The following MOV10 variants were observed in gnomAD, a reference collection of about 807,000 sequenced individuals.
The protein encoded by MOV10 is RNA helicase MOV-10.
A neutral mutation model predicts 108.4 loss-of-function variants in MOV10; 39 were observed. The ratio of observed to expected loss-of-function variants is 0.36; its 90% CI spans 0.28 to 0.47. The LOEUF is 0.47. Ranked by LOEUF, MOV10 falls within the 20% of genes least tolerant of loss-of-function variation. The pLI is 1.00. For synonymous variants in MOV10, 490 were observed against 523.1 expected (o/e 0.94, Z 0.86); for missense variants, 952 against 1,297.6 (o/e 0.73, Z 4.09).
intron 17 of MOV10, 110 bp from the exon 18 acceptor site, chr1:112,699,575 A>T: frequency 6.5e-7 from 1 of 1,541,194 alleles, no homozygotes; most frequent in Non-Finnish European, 8.7e-7. Context: ...TCACTGATCT[A>T]CAATTGCCCA....
At chr1:112,676,236 G>A (rs555792082) in intron 2 of MOV10, among the ~76,000 whole-genome samples, 34 of 152,286 alleles carry the variant, frequency 2.2e-4, no homozygotes, top group African/African-American at 7.9e-4. Context: ...CAGAGGCTAT[G>A]ATATGCATGC....
At chr1:112,684,716 C>T (rs1320939889) in intron 2 of MOV10, among the ~76,000 whole-genome samples, 1 of 152,208 alleles carries the variant, frequency 6.6e-6, no homozygotes, top group Non-Finnish European at 1.5e-5. Flanking sequence ...TATGCTAGAA[C>T]TATGTTCATT....
intron 2 of MOV10, among the ~76,000 whole-genome samples, chr1:112,680,525 G>A (rs1174631135): frequency 6.6e-6 from 1 of 150,832 alleles, no homozygotes; most frequent in African/African-American, 2.4e-5. Context: ...GCGTGGTGGC[G>A]GGCGCCTGTA....
At position 112,692,793 on chromosome 1, in the gene MOV10, A is replaced by C. The variant is rs1238283513; in HGVS notation, c.1004A>C (p.Asn335Thr). The C allele has an allele frequency of 6.2e-7, 1 of 1,613,932 alleles. No individual in the cohort carries two copies. The highest frequency in any genetic ancestry group is 8.5e-7 in the Non-Finnish European group (1 of 1,180,010). ...AQLETALKWR[N>T]YEVKLRLLLH... Reference sequence around the variant, plus strand: ...CTGGAGACAGCCCTGAAGTGGAGGAACTATGAGGTGAAGCTGCGGCTGCTG... The same window carrying C: ...CTGGAGACAGCCCTGAAGTGGAGGACCTATGAGGTGAAGCTGCGGCTGCTG... Residue 335 changes from asparagine to threonine, a missense_variant, in exon 7 of 21, where the codon AAC (asparagine) becomes ACC (threonine). Physicochemically the swap from Asn to Thr is moderately conservative, Grantham distance 65. This residue lies in a region of MOV10 where 374 missense variants were observed against 468.6 expected (regional missense o/e 0.80). Transcript: ENST00000369645.
chr1:112,685,763 T>A (rs1178794543), intron 2 of MOV10, among the ~76,000 whole-genome samples: 2 of 151,940 alleles, frequency 1.3e-5, no homozygotes, highest in Non-Finnish European at 2.9e-5. Context: ...ATATAATAAG[T>A]TTGTGATTTT....
chr1:112,682,062 A>G (rs1231248738), intron 2 of MOV10, among the ~76,000 whole-genome samples: 1 of 151,960 alleles, frequency 6.6e-6, no homozygotes, highest in East Asian at 1.9e-4. Context: ...TGCCCAGCTA[A>G]TTTTTTGTAT....
Position 112,693,687 on chromosome 1 carries a change from T to TAA in MOV10, c.1141-330_1141-329dup, listed in dbSNP as rs57738248. 31 of 137,954 alleles carry TAA rather than the reference T, an allele frequency of 2.2e-4. No homozygotes were observed. In the South Asian group the frequency reaches 5.2e-3, roughly 23 times the overall value. The allele number at this position is 137,954 out of a possible 1,614,324, so 8.5% of individuals were successfully genotyped here. A position where few individuals can be genotyped will look rare whatever the true frequency, so the allele number is the denominator to read the frequency against. ...GTCCGTTTTTTTTTTTTTTTTTTTT[T>TAA]AATTATTTTTTTAGCAACCCGATTA... On this transcript the variant is annotated intron_variant, in intron 7 of 20. Coordinates refer to ENST00000369645, the MANE Select transcript of MOV10 (RefSeq NM_001321324.2).
At position 112,698,453 on chromosome 1, in the gene MOV10, G is replaced by A. The variant is rs1454939512; in HGVS notation, c.2483G>A (p.Gly828Asp). ...GKARLSPRSV[G>D]VISPYRKQVE... ...GCTCGCCTGAGCCCTCGAAGTGTGG[G>A]CGTCATCTCCCCGTACCGGAAACAG... The change falls in exon 16 of 21, where the codon GGC (glycine) becomes GAC (aspartate). Residue 828 changes from glycine to aspartate, a missense_variant. Physicochemically the swap from Gly to Asp is moderately conservative, Grantham distance 94. Around this residue, in one of 5 missense-constraint regions of MOV10, gnomAD observed 453 missense variants for 611.5 expected, o/e 0.74. Transcript: ENST00000369645. The A allele has an allele frequency of 1.9e-6, 3 of 1,613,928 alleles. No homozygotes were observed. Among genetic ancestry groups the A allele is most frequent in the Non-Finnish European group, 2.5e-6 (3 of 1,180,010 alleles).
chr1:112,690,926 T>A (rs1673523498), intron 5 of MOV10, among the ~76,000 whole-genome samples: 1 of 152,220 alleles, frequency 6.6e-6, no homozygotes, highest in Non-Finnish European at 1.5e-5. Context: ...GATGGAAGCG[T>A]AGGATATGTG....
At chr1:112,687,099 G>C in intron 2 of MOV10, 1 of 450,974 alleles carries the variant, frequency 2.2e-6, no homozygotes, top group East Asian at 7.0e-5. Flanking sequence ...CTCTGACGTG[G>C]GCTGAAAGTA....
intron 6 of MOV10, 131 bp from the exon 7 acceptor site, chr1:112,692,630 T>G (rs139654538): frequency 7.9e-7 from 1 of 1,269,386 alleles, no homozygotes; most frequent in Non-Finnish European, 1.1e-6. Flanking sequence ...TCTGTATCCC[T>G]CTAGTCTTCT....
At chr1:112,676,016 G>T (rs1201253254) in intron 2 of MOV10, among the ~76,000 whole-genome samples, 1 of 143,860 alleles carries the variant, frequency 7.0e-6, no homozygotes, top group Non-Finnish European at 1.6e-5. Context: ...GTGTGATTTG[G>T]GGTGGGGGAA....
chr1:112,697,924 T>C (rs1212790398), intron 14 of MOV10, 70 bp from the exon 15 acceptor site: 11 of 1,296,282 alleles, frequency 8.5e-6, no homozygotes, highest in Non-Finnish European at 1.1e-5. Flanking sequence ...CCAGAGTGGG[T>C]AGAGCGGAGC....
intron 14 of MOV10, 21 bp downstream of exon 14, chr1:112,696,867 C>T (rs1674146333): frequency 6.4e-7 from 1 of 1,554,730 alleles, no homozygotes; most frequent in Non-Finnish European, 8.7e-7. Context: ...GCCCTTGCCT[C>T]CCCTGCCATA....
intron 2 of MOV10, among the ~76,000 whole-genome samples, chr1:112,686,363 C>A (rs1673081902): frequency 6.6e-6 from 1 of 152,158 alleles, no homozygotes; most frequent in South Asian, 2.1e-4. Flanking sequence ...CTGATGATCT[C>A]CTGATTTCAG....
chr1:112,694,805 T>C lies in MOV10; in HGVS notation c.1529T>C (p.Ile510Thr), dbSNP rs1673917725. The C allele has an allele frequency of 6.2e-7, 1 of 1,614,014 alleles. No homozygotes were observed. Among genetic ancestry groups the C allele is most frequent in the African/African-American group, 1.3e-5 (1 of 74,898 alleles). Residue 510 changes from isoleucine (I) to threonine (T), a missense_variant, in exon 10 of 21, where the codon ATT becomes ACT. Around this residue, in one of 5 missense-constraint regions of MOV10, gnomAD observed 453 missense variants for 611.5 expected, o/e 0.74. Transcript: ENST00000369645. The surrounding 1 kb of genome is among the most constrained non-coding windows in gnomAD (Gnocchi z 4.1). Reference sequence around the variant, plus strand: ...GAGCAGCTGCAGGCCATGAGGCACATTGTTACGGGCACCACCCGTCCAGCC... The same window carrying C: ...GAGCAGCTGCAGGCCATGAGGCACACTGTTACGGGCACCACCCGTCCAGCC... The part of the protein sequence containing the change: ...NPEQLQAMRH[I>T]VTGTTRPAPY...
intron 3 of MOV10, 126 bp downstream of exon 3, chr1:112,689,264 G>A: frequency 8.1e-7 from 1 of 1,233,540 alleles, no homozygotes; most frequent in Non-Finnish European, 1.2e-6. Context: ...GGGAATGGGG[G>A]AAGGGCAGGG....
chr1:112,696,945 C>T, intron 14 of MOV10, 99 bp downstream of exon 14: 1 of 1,028,098 alleles, frequency 9.7e-7, no homozygotes, highest in Non-Finnish European at 1.4e-6. Flanking sequence ...TCCTGTTGCT[C>T]AGAGGTTGTG....
Position 112,696,815 on chromosome 1 carries a change from C to G in MOV10, c.2167C>G (p.Gln723Glu). 1 of 1,603,118 alleles carries G rather than the reference C, an allele frequency of 6.2e-7. No individual in the cohort carries two copies. Among genetic ancestry groups the G allele is most frequent in the Non-Finnish European group, 8.5e-7 (1 of 1,174,178 alleles). Reference protein sequence around the residue: ...YKKGPDGYDPQFITKLLRNYR... With the variant: ...YKKGPDGYDPEFITKLLRNYR... ...GAAGGGCCCTGATGGCTATGACCCC[C>G]AGTTCATAACCAAGCTGCTCCGCAA... The change falls in exon 14 of 21, where the codon CAG (glutamine) becomes GAG (glutamate). Residue 723 changes from glutamine (Q) to glutamate (E), a missense_variant. Physicochemically the swap from Gln to Glu is conservative, Grantham distance 29. Transcript: ENST00000369645.
Sources: allele counts gnomAD v4.1 joint callset (sites outside exome capture counted in the v4.1 genomes callset), GRCh38; gene constraint gnomAD v4.1.1; regional missense constraint gnomAD v4.1.1; non-coding constraint Gnocchi (gnomAD v3.1); transcripts MANE v1.5; gene names NCBI Gene and HGNC (gene_info 2026-07-23, HGNC 2026-07-21).